The following HCFC2 variants were observed in gnomAD, a reference collection of about 807,000 sequenced individuals.
The protein encoded by HCFC2 is host cell factor C2.
A neutral mutation model predicts 89.2 loss-of-function variants in HCFC2; 18 were observed. The observed-to-expected ratio is 0.20, with a 90% CI of 0.14 to 0.30. The LOEUF (loss-of-function observed/expected upper bound fraction) is 0.30. HCFC2 is among the 10% of genes least tolerant of loss of function. The pLI is 1.00. For missense variants in HCFC2, 578 were observed against 956.1 expected (o/e 0.60, Z 5.21); for synonymous variants, 308 against 335.7 (o/e 0.92, Z 0.90).
chr12:104,103,198 G>C lies in HCFC2; in HGVS notation c.2304G>C (p.Lys768Asn), dbSNP rs772818139. Residue 768 changes from lysine to asparagine, a missense_variant, in exon 15 of 15, where the codon AAG becomes AAC. Coordinates refer to ENST00000229330, the MANE Select transcript of HCFC2 (RefSeq NM_013320.3). ...RPAIVFRISA[K>N]NEKGYGPATQ... ...CCATTGTGTTCAGGATATCAGCAAA[G>C]AATGAAAAGGGATATGGACCAGCTA... The C allele has an allele frequency of 6.2e-7, 1 of 1,614,086 alleles. No individual in the cohort carries two copies. Among genetic ancestry groups the C allele is most frequent in the East Asian group, 2.2e-5 (1 of 44,874 alleles).
At chr12:104,072,718 C>T (rs1244338091) in intron 3 of HCFC2, among the ~76,000 whole-genome samples, 1 of 151,964 alleles carries the variant, frequency 6.6e-6, no homozygotes, top group Non-Finnish European at 1.5e-5. Context: ...TCTCAGCTCA[C>T]TGCAAGCTCC....
chr12:104,082,913 T>A lies in HCFC2; in HGVS notation c.1063+12T>A. 1 of 1,571,890 alleles carries A rather than the reference T, an allele frequency of 6.4e-7. No individual in the cohort carries two copies. Among genetic ancestry groups the A allele is most frequent in the Non-Finnish European group, 8.6e-7 (1 of 1,160,662 alleles). On this transcript the variant is annotated intron_variant, in intron 7 of 14. Transcript: ENST00000229330. The stretch of plus-strand genomic sequence containing the variant: ...GTATCTTGATACTGGTAGGTAAGAA[T>A]ATTTAACAAATAAACTTTTTCCTTT...
At chr12:104,096,168 T>C (rs570963519) in intron 11 of HCFC2, among the ~76,000 whole-genome samples, 192 bp from the exon 12 acceptor site, 39 of 152,240 alleles carry the variant, frequency 2.6e-4, no homozygotes, top group Non-Finnish European at 4.6e-4. Flanking sequence ...TCAATATTAC[T>C]ACTTATTGTA....
intron 1 of HCFC2, among the ~76,000 whole-genome samples, chr12:104,065,529 A>C (rs1883076278): frequency 6.6e-6 from 1 of 152,234 alleles, no homozygotes; most frequent in Non-Finnish European, 1.5e-5. Flanking sequence ...TTCATGACCG[A>C]TAACTTTTCT....
intron 12 of HCFC2, chr12:104,098,032 G>A (rs1249605740): frequency 4.7e-6 from 1 of 212,982 alleles, no homozygotes; most frequent in African/African-American, 2.3e-5. Context: ...GAGAGTCTCT[G>A]AAATGACAAT....
At chr12:104,097,799 C>T (rs1230363174) in intron 12 of HCFC2, 1 of 195,830 alleles carries the variant, frequency 5.1e-6, no homozygotes, top group Admixed American at 6.5e-5. Flanking sequence ...GTTTAATATA[C>T]TCCTCTTTAG....
rs542459934 is a variant in HCFC2, at chr12:104,086,887, C to T, written c.1104C>T (p.Ala368=). Reference sequence around the variant, plus strand: ...CATCTCAAGTACAGCTGATCAAAGCCACTACCAACTCCTTTCATGTCAAGT... The same window carrying T: ...CATCTCAAGTACAGCTGATCAAAGCTACTACCAACTCCTTTCATGTCAAGT... ...PAPSQVQLIK[A]TTNSFHVKWD... The change falls in exon 8 of 15, where the codon GCC becomes GCT. Residue 368 remains alanine, a synonymous_variant. Transcript: ENST00000229330. 1.2e-6 allele frequency: 2 copies of T among 1,613,828 alleles called. No individual in the cohort carries two copies. Among genetic ancestry groups the T allele is most frequent in the East Asian group, 2.2e-5 (1 of 44,864 alleles).
chr12:104,079,691 ATT>A, intron 4 of HCFC2, 38 bp downstream of exon 4: 2 of 1,465,818 alleles, frequency 1.4e-6, no homozygotes, highest in Admixed American at 1.7e-5. Flanking sequence ...AATAGGGCAA[ATT>A]AAAAAATGCT....
intron 1 of HCFC2, 136 bp from the exon 2 acceptor site, chr12:104,066,031 A>T: frequency 1.2e-6 from 1 of 812,116 alleles, no homozygotes; most frequent in Non-Finnish European, 2.0e-6. Flanking sequence ...AAATGTCACC[A>T]GACATTACCA....
At chr12:104,096,310 G>T in intron 11 of HCFC2, 50 bp from the exon 12 acceptor site, 2 of 1,228,872 alleles carry the variant, frequency 1.6e-6, no homozygotes, top group Non-Finnish European at 2.3e-6. Context: ...ATATTTTAAT[G>T]TATCTGATAA....
chr12:104,103,114 A>G lies in HCFC2; in HGVS notation c.2220A>G (p.Ser740=). The G allele has an allele frequency of 1.9e-6, 3 of 1,614,162 alleles. No individual in the cohort carries two copies. The highest frequency in any genetic ancestry group is 2.5e-6 in the Non-Finnish European group (3 of 1,179,978). Residue 740 remains serine, a synonymous_variant, in exon 15 of 15, where the codon TCA becomes TCG. Transcript: ENST00000229330. ...FMRIYCGLKT[S]CIVTAGQLAN... is the part of the protein sequence containing the mutation. Reference sequence around the variant, plus strand: ...GGATTTATTGTGGTCTTAAGACATCATGTATAGTAACTGCTGGGCAACTTG... The same window carrying G: ...GGATTTATTGTGGTCTTAAGACATCGTGTATAGTAACTGCTGGGCAACTTG...
At chr12:104,086,619 AAAATAAAT>A (rs58372181) in intron 7 of HCFC2, among the ~76,000 whole-genome samples, 339 of 146,554 alleles carry the variant, frequency 2.3e-3, no homozygotes, top group South Asian at 0.013. Flanking sequence ...TTTGTCTAAG[AAAATAAAT>A]AAATAAATAA....
chr12:104,096,855 A>C (rs1884193007), intron 12 of HCFC2, among the ~76,000 whole-genome samples: 2 of 152,168 alleles, frequency 1.3e-5, no homozygotes, highest in South Asian at 4.1e-4. Context: ...TGTAAATTAC[A>C]TTAATGGTTA....
chr12:104,098,722 C>T (rs947655944), intron 13 of HCFC2, among the ~76,000 whole-genome samples: 4 of 152,120 alleles, frequency 2.6e-5, no homozygotes, highest in South Asian at 2.1e-4. Context: ...TGAGACTGGC[C>T]GGGCGCAGTG....
chr12:104,064,554 T>G lies in HCFC2; in HGVS notation c.-7T>G. The G allele has an allele frequency of 1.3e-6, 2 of 1,505,896 alleles. No individual in the cohort carries two copies. The highest frequency in any genetic ancestry group is 1.8e-6 in the Non-Finnish European group (2 of 1,126,916). The allele number at this position is 1,505,896 out of a possible 1,614,324, so 93.3% of individuals were successfully genotyped here. A position where few individuals can be genotyped will look rare whatever the true frequency, so the allele number is the denominator to read the frequency against. On this transcript the variant is annotated 5_prime_UTR_variant, in exon 1 of 15. Transcript: ENST00000229330. This position sits in a 1 kb window ranked among gnomAD's most constrained non-coding sequence, Gnocchi z 7.3. ...GCATTGTGGGCAGAGGGGCGGGGGT[T>G]GGGAAGATGGCGGCTCCCAGCCTCC...
chr12:104,079,765 G>A, intron 4 of HCFC2, 112 bp downstream of exon 4: 1 of 774,854 alleles, frequency 1.3e-6, no homozygotes, highest in South Asian at 1.6e-5. Flanking sequence ...ACCAGCACTT[G>A]TAGCCCCAGG....
At chr12:104,078,287 C>T (rs369959641) in intron 3 of HCFC2, among the ~76,000 whole-genome samples, 3 of 152,232 alleles carry the variant, frequency 2.0e-5, no homozygotes, top group East Asian at 3.8e-4. Context: ...AGGCGTGAGT[C>T]ACCGCGCCAG....
intron 12 of HCFC2, 143 bp downstream of exon 12, chr12:104,096,576 G>A (rs1423301970): frequency 1.8e-6 from 1 of 557,560 alleles, no homozygotes; most frequent in East Asian, 2.9e-5. Flanking sequence ...TGATTGAATA[G>A]GAAAATGTTC....
At chr12:104,080,719 T>G in intron 4 of HCFC2, 27 bp from the exon 5 acceptor site, 1 of 1,373,584 alleles carries the variant, frequency 7.3e-7, no homozygotes, top group Non-Finnish European at 1.0e-6. Context: ...TAGATCAAGT[T>G]GCTAATATAA....
Sources: gnomAD v4.1 joint callset for allele counts (sites outside exome capture counted in the v4.1 genomes callset) on GRCh38, gnomAD v4.1.1 for gene constraint, Gnocchi (gnomAD v3.1) non-coding constraint, MANE v1.5 for transcripts, NCBI Gene and HGNC (gene_info 2026-07-23, HGNC 2026-07-21) for gene names.